MYOF: variants seen among roughly 807,000 people sequenced by gnomAD.
MYOF encodes fer-1-like 3, myoferlin.
In MYOF, 244 loss-of-function variants were observed where a neutral mutation model predicts 284.2. The ratio of observed to expected loss-of-function variants is 0.86; its 90% CI spans 0.77 to 0.95. The LOEUF (loss-of-function observed/expected upper bound fraction) is 0.95. MYOF is among the 40% of genes least tolerant of loss of function. The pLI, the probability that MYOF is intolerant of heterozygous loss-of-function variation, is 0.00. For missense variants in MYOF, 2,496 were observed against 2,560.6 expected, an observed-to-expected ratio of 0.97 and a Z score of 0.54; for synonymous variants, 904 against 919.7, an observed-to-expected ratio of 0.98 and a Z score of 0.31.
At chr10:93,450,265 G>A (rs373037506) in intron 3 of MYOF, among the ~76,000 whole-genome samples, 1 of 152,166 alleles carries the variant, frequency 6.6e-6, no homozygotes, top group Non-Finnish European at 1.5e-5. Flanking sequence ...GGTGGCACAC[G>A]CCTGTAGTCC....
rs201113963 is a variant in MYOF, at chr10:93,356,696, G to T, written c.3273C>A (p.Ile1091=). 14 of 1,613,260 alleles carry T rather than the reference G, an allele frequency of 8.7e-6. No individual in the cohort carries two copies. The highest frequency in any genetic ancestry group is 1.2e-5 in the Non-Finnish European group (14 of 1,179,792). Residue 1091 remains isoleucine (I), a synonymous_variant, in exon 30 of 54, where the codon ATC becomes ATA. Coordinates refer to ENST00000359263, the MANE Select transcript of MYOF (RefSeq NM_013451.4). ...APSETHGAAA[I]FKLEGALGAD... ...TTACAAGGGCACCTTCAAGTTTAAA[G>T]ATGGCAGCTGCACCATGTGTTTCTG... is the stretch of plus-strand genomic sequence containing the variant.
chr10:93,442,756 C>T (rs2056306850), intron 3 of MYOF, among the ~76,000 whole-genome samples: 1 of 152,194 alleles, frequency 6.6e-6, no homozygotes, highest in Admixed American at 6.5e-5. Flanking sequence ...TTATTTCAGA[C>T]ATTGTAATTG....
At chr10:93,350,343 C>T (rs1390371863) in intron 35 of MYOF, among the ~76,000 whole-genome samples, 2 of 151,738 alleles carry the variant, frequency 1.3e-5, no homozygotes, top group Non-Finnish European at 2.9e-5. Context: ...GACAGAGTCT[C>T]ACTCTGTCAC....
intron 29 of MYOF, 69 bp downstream of exon 29, chr10:93,359,764 G>A (rs879121799): frequency 4.0e-5 from 64 of 1,589,580 alleles, no homozygotes; most frequent in African/African-American, 1.3e-5. Flanking sequence ...GAAATGGCTA[G>A]TTAGCTGGGA....
At chr10:93,353,568 T>C (rs1844631323) in intron 32 of MYOF, among the ~76,000 whole-genome samples, 1 of 152,154 alleles carries the variant, frequency 6.6e-6, no homozygotes, top group Admixed American at 6.5e-5. Context: ...TATTACTTAA[T>C]CAATTAATAT....
At chr10:93,307,857 T>G (rs1363589293) in intron 53 of MYOF, among the ~76,000 whole-genome samples, 2 of 148,466 alleles carry the variant, frequency 1.3e-5, no homozygotes, top group African/African-American at 4.9e-5. Flanking sequence ...ACTCCTGACC[T>G]CAGGTGATCC....
intron 5 of MYOF, among the ~76,000 whole-genome samples, chr10:93,424,177 T>C (rs1224347466): frequency 1.3e-5 from 2 of 152,184 alleles, no homozygotes; most frequent in Non-Finnish European, 2.9e-5. Flanking sequence ...ACAGCAGACC[T>C]AGGAAACTAA....
intron 27 of MYOF, 58 bp downstream of exon 27, chr10:93,363,903 C>T: frequency 6.5e-7 from 1 of 1,529,788 alleles, no homozygotes; most frequent in Non-Finnish European, 9.0e-7. Flanking sequence ...GCTGGGTTCC[C>T]CGCAGATCAC....
chr10:93,309,679 G>C (rs1842298167), intron 53 of MYOF, among the ~76,000 whole-genome samples: 1 of 152,128 alleles, frequency 6.6e-6, no homozygotes, highest in African/African-American at 2.4e-5. Flanking sequence ...ATGCAGGATG[G>C]TTTGGAACAA....
At position 93,440,390 on chromosome 10, in the gene MYOF, G is replaced by T. The variant is rs142432485; in HGVS notation, c.237-8874C>A. Reference sequence around the variant, plus strand: ...TTGTGCCACTGCACTCCAGCCTGTCGACAGAGCAAGACTCCGTCTCGAAAA... The same window carrying T: ...TTGTGCCACTGCACTCCAGCCTGTCTACAGAGCAAGACTCCGTCTCGAAAA... On this transcript the variant is annotated intron_variant, in intron 3 of 53. Transcript: ENST00000359263. Among the ~76,000 whole-genome samples, 422 of 147,800 alleles carry T rather than the reference G, an allele frequency of 2.9e-3. 3 individuals are homozygous for T. The highest frequency in any genetic ancestry group is 0.01 in the African/African-American group (413 of 39,972).
rs17108468 is a variant in MYOF at position 93,323,041 on chromosome 10, C to T, written c.5456+37G>A. The stretch of plus-strand genomic sequence containing the variant: ...ACTCACGAAGGAGAGAGTCTGTTTC[C>T]CTGAGCTTGGCAAAGTCTCTCACAT... On this transcript the variant is annotated intron_variant, in intron 48 of 53. Coordinates refer to ENST00000359263, the MANE Select transcript of MYOF (RefSeq NM_013451.4). The T allele has an allele frequency of 1.9e-6, 3 of 1,570,660 alleles. No individual in the cohort carries two copies. In the African/African-American group the frequency reaches 4.1e-5, roughly 21 times the overall value.
chr10:93,465,933 G>T (rs1292240292), intron 1 of MYOF, among the ~76,000 whole-genome samples: 1 of 152,196 alleles, frequency 6.6e-6, no homozygotes. Flanking sequence ...TGTGAGGCTG[G>T]GACCGCCCTG....
chr10:93,337,877 C>T lies in MYOF; in HGVS notation c.4375G>A (p.Ala1459Thr), dbSNP rs1425505339. The T allele has an allele frequency of 1.2e-6, 2 of 1,613,964 alleles. No individual in the cohort carries two copies. Among genetic ancestry groups the T allele is most frequent in the African/African-American group, 1.3e-5 (1 of 74,880 alleles). ...CATTTTTCATGTTCCCCTGAGGAAG[C>T]ATAAAATTTACTCCACCAGTCCACG... ...EIVDWWSKFY[A>T]SSGEHEKCGQ... Residue 1459 changes from alanine (A) to threonine (T), a missense_variant, in exon 40 of 54, where the codon GCT becomes ACT. By Grantham distance (58) the Ala-to-Thr change is moderately conservative. Around this residue, in one of 3 missense-constraint regions of MYOF, gnomAD observed 2,436 missense variants for 2,480.7 expected, o/e 0.98. Coordinates refer to ENST00000359263, the MANE Select transcript of MYOF (RefSeq NM_013451.4).
intron 43 of MYOF, among the ~76,000 whole-genome samples, chr10:93,332,601 T>C (rs1294235769): frequency 1.3e-5 from 2 of 151,742 alleles, no homozygotes; most frequent in Non-Finnish European, 2.9e-5. Context: ...ATCCCAGCAC[T>C]TTGGGAGGGC....
At chr10:93,388,222 T>TG (rs1846491157) in intron 18 of MYOF, among the ~76,000 whole-genome samples, 1 of 5,624 alleles carries the variant, frequency 1.8e-4, no homozygotes, top group Non-Finnish European at 3.3e-4. Context: ...GGCTGGGAGG[T>TG]GGGGGGTGGG....
At position 93,451,050 on chromosome 10, in the gene MYOF, T is replaced by C. The variant is rs12265277; in HGVS notation, c.236+1000A>G. 5.7e-3 allele frequency among the ~76,000 whole-genome samples: 875 copies of C among 152,216 alleles called. 10 individuals are homozygous for C. The highest frequency in any genetic ancestry group is 0.02 in the African/African-American group (816 of 41,554). On this transcript the variant is annotated intron_variant, in intron 3 of 53. Coordinates refer to ENST00000359263, the MANE Select transcript of MYOF (RefSeq NM_013451.4). Reference sequence around the variant, plus strand: ...TAAGCAGGTATTCTGGTTTTAAGTATTAGTATCAGCTGGGCACGGTAGCTC... The same window carrying C: ...TAAGCAGGTATTCTGGTTTTAAGTACTAGTATCAGCTGGGCACGGTAGCTC...
At chr10:93,344,504 C>T (rs945956864) in intron 37 of MYOF, among the ~76,000 whole-genome samples, 1 of 151,674 alleles carries the variant, frequency 6.6e-6, no homozygotes, top group Non-Finnish European at 1.5e-5. Context: ...ATACAGAGAG[C>T]CTACATCTAA....
rs140215599 is a variant in MYOF, at chr10:93,409,634, C to G, written c.539G>C (p.Arg180Pro). ...VGTVSEAQLA[R>P]RLTKVKNSRR... is the part of the protein sequence containing the mutation. ...GCTGTTCTTTACTTTGGTGAGCCTC[C>G]GAGCAAGCTGAGCTTCCGACACCGT... Residue 180 changes from arginine (R) to proline (P), a missense_variant, in exon 6 of 54, where the codon CGG becomes CCG. Arg to Pro is a moderately radical substitution (Grantham distance 103). Coordinates refer to ENST00000359263, the MANE Select transcript of MYOF (RefSeq NM_013451.4). 1.1e-5 allele frequency: 18 copies of G among 1,614,086 alleles called. No individual in the cohort carries two copies. The Admixed American group carries it at 1.5e-4, about 13-fold the overall frequency.
At chr10:93,356,026 G>A (rs539035069) in intron 30 of MYOF, among the ~76,000 whole-genome samples, 87 of 152,280 alleles carry the variant, frequency 5.7e-4, no homozygotes, top group African/African-American at 2.0e-3. Flanking sequence ...GAAAAATGTA[G>A]AGGATAAACA....
Sources: gnomAD v4.1 joint callset for allele counts (sites outside exome capture counted in the v4.1 genomes callset) on GRCh38, gnomAD v4.1.1 for gene constraint, gnomAD v4.1.1 regional missense constraint, MANE v1.5 for transcripts, NCBI Gene and HGNC (gene_info 2026-07-23, HGNC 2026-07-21) for gene names.